The following ANGPT2 variants were observed in gnomAD, a reference collection of about 807,000 sequenced individuals.
The protein encoded by ANGPT2 is angiopoietin-2.
A neutral mutation model predicts 62.9 loss-of-function variants in ANGPT2; 28 were observed. That is an observed-to-expected ratio of 0.44 (90% CI 0.33 to 0.61). The LOEUF is 0.61. ANGPT2 is among the 20% of genes least tolerant of loss of function. The pLI is 0.03. For missense variants in ANGPT2, 727 were observed against 594.9 expected, an observed-to-expected ratio of 1.22 and a Z score of -2.31; for synonymous variants, 284 against 207.8, an observed-to-expected ratio of 1.37 and a Z score of -3.15.
At chr8:6,560,487 T>C (rs1257188836) in intron 1 of ANGPT2, among the ~76,000 whole-genome samples, 6 of 152,186 alleles carry the variant, frequency 3.9e-5, no homozygotes, top group Admixed American at 3.9e-4. Flanking sequence ...CTTTGCTTTT[T>C]TGTTTTCATT....
Position 6,500,013 on chromosome 8 carries a change from T to C in ANGPT2, c.*3088A>G. 1 of 1,172,322 alleles carries C rather than the reference T, an allele frequency of 8.5e-7. No individual in the cohort carries two copies. Among genetic ancestry groups the C allele is most frequent in the Non-Finnish European group, 1.3e-6 (1 of 780,450 alleles). 72.6% of individuals were successfully genotyped at this position (1,172,322 alleles called of 1,614,324 possible). On this transcript the variant is annotated 3_prime_UTR_variant, in exon 9 of 9. Coordinates refer to ENST00000629816, the MANE Select transcript of ANGPT2 (RefSeq NM_001118887.2). ...ATAAACATAAGGGTGGACTTAAGTT[T>C]TTATCCAGTCAAGCACAATTATGCC...
intron 7 of ANGPT2, among the ~76,000 whole-genome samples, chr8:6,509,281 A>G (rs1486174932): frequency 3.9e-5 from 6 of 152,210 alleles, no homozygotes; most frequent in African/African-American, 1.4e-4. Flanking sequence ...GAAACCTTCA[A>G]CACATATCAC....
rs75532842 is a variant in ANGPT2 at position 6,530,290 on chromosome 8, C to T, written c.444+2042G>A. 4.8e-3 allele frequency among the ~76,000 whole-genome samples: 731 copies of T among 152,118 alleles called. 21 individuals carry two copies. The East Asian group carries it at 0.085, about 18-fold the overall frequency. ...TGGGAGGCCAAGGCAGGTGGATCAC[C>T]TGAGGTCAGGAGTTCGAGACCAGCC... On this transcript the variant is annotated intron_variant, in intron 2 of 8. Coordinates refer to ENST00000629816, the MANE Select transcript of ANGPT2 (RefSeq NM_001118887.2).
chr8:6,512,270 G>A (rs1302473922), intron 7 of ANGPT2, among the ~76,000 whole-genome samples: 1 of 152,162 alleles, frequency 6.6e-6, no homozygotes, highest in African/African-American at 2.4e-5. Context: ...CAGGCAACTT[G>A]ACATTTAGCC....
chr8:6,555,465 C>CTTTTT (rs530250678), intron 1 of ANGPT2, among the ~76,000 whole-genome samples: 1,718 of 142,602 alleles, frequency 0.012, 42 homozygotes, highest in African/African-American at 0.043. Context: ...GTGGTTTGCC[C>CTTTTT]TTTTTTTTTT....
At chr8:6,511,407 G>T (rs1440048959) in intron 7 of ANGPT2, among the ~76,000 whole-genome samples, 2 of 152,096 alleles carry the variant, frequency 1.3e-5, no homozygotes, top group African/African-American at 4.8e-5. Flanking sequence ...GCCAGAATGT[G>T]TGTGAAAAGT....
intron 7 of ANGPT2, among the ~76,000 whole-genome samples, chr8:6,512,082 C>T (rs957926053): frequency 3.3e-5 from 5 of 152,126 alleles, no homozygotes; most frequent in Admixed American, 2.0e-4. Flanking sequence ...TCATTCATCT[C>T]GGTTGTTGCC....
intron 1 of ANGPT2, among the ~76,000 whole-genome samples, chr8:6,547,196 A>T (rs181360991): frequency 6.6e-6 from 1 of 152,154 alleles, no homozygotes; most frequent in African/African-American, 2.4e-5. Flanking sequence ...AACTAGTTTT[A>T]TACCATTAGA....
chr8:6,501,096 G>C lies in ANGPT2; in HGVS notation c.*2005C>G, dbSNP rs1395512901. 6.6e-6 allele frequency: 1 copy of C among 152,172 alleles called. No individual in the cohort carries two copies. The highest frequency in any genetic ancestry group is 1.5e-5 in the Non-Finnish European group (1 of 68,030). The allele number at this position is 152,172 out of a possible 1,614,324, so 9.4% of individuals were successfully genotyped here. ...ATAAAACCTTCTTAAATATAAAGTA[G>C]ATACAGTTCTAAGATAGGGAGGTTC... On this transcript the variant is annotated 3_prime_UTR_variant, in exon 9 of 9. Coordinates refer to ENST00000629816, the MANE Select transcript of ANGPT2 (RefSeq NM_001118887.2).
chr8:6,525,515 C>G (rs1035430997), intron 3 of ANGPT2, among the ~76,000 whole-genome samples: 12 of 152,326 alleles, frequency 7.9e-5, no homozygotes, highest in African/African-American at 2.6e-4. Flanking sequence ...TAGGCATGAG[C>G]CACTGTGCCT....
chr8:6,562,552 C>CTTTTTTTTTTTCTTTTTTTTTTTTT (rs1825706400), intron 1 of ANGPT2, 95 bp downstream of exon 1: 1 of 71,748 alleles, frequency 1.4e-5, no homozygotes, highest in Non-Finnish European at 2.6e-5. Context: ...CATCCTCCTT[C>CTTTTTTTTTTTCTTTTTTTTTTTTT]TTTTTTTTTT....
intron 1 of ANGPT2, among the ~76,000 whole-genome samples, chr8:6,553,319 GCAA>G (rs1823996320): frequency 6.6e-6 from 1 of 152,086 alleles, no homozygotes; most frequent in South Asian, 2.1e-4. Context: ...AACAAGTAAA[GCAA>G]CAACAACAAA....
intron 5 of ANGPT2, among the ~76,000 whole-genome samples, chr8:6,517,330 C>T (rs923301555): frequency 2.0e-5 from 3 of 152,146 alleles, no homozygotes; most frequent in Non-Finnish European, 4.4e-5. Context: ...AACTCTGAGG[C>T]AATGATTAAG....
chr8:6,518,359 G>A (rs541737014), intron 5 of ANGPT2, among the ~76,000 whole-genome samples: 2 of 152,328 alleles, frequency 1.3e-5, no homozygotes, highest in East Asian at 3.9e-4. Flanking sequence ...GAGTCTGTTC[G>A]TTGCCTTTTC....
At chr8:6,515,893 AG>A (rs893711565) in intron 5 of ANGPT2, among the ~76,000 whole-genome samples, 2 of 152,180 alleles carry the variant, frequency 1.3e-5, no homozygotes, top group African/African-American at 4.8e-5. Context: ...GAACCAAGAG[AG>A]TGCTATTCCT....
intron 1 of ANGPT2, among the ~76,000 whole-genome samples, chr8:6,550,041 T>A (rs898119851): frequency 3.9e-5 from 6 of 152,214 alleles, no homozygotes; most frequent in African/African-American, 1.4e-4. Flanking sequence ...GAATGGAAGA[T>A]GTGCCTGCTG....
At chr8:6,521,669 C>G (rs760858258) in intron 3 of ANGPT2, among the ~76,000 whole-genome samples, 2 of 152,166 alleles carry the variant, frequency 1.3e-5, no homozygotes, top group Non-Finnish European at 2.9e-5. Flanking sequence ...GGTACCCCAT[C>G]TGGTCCAGGA....
Position 6,525,189 on chromosome 8 carries a change from A to G in ANGPT2, c.566+2366T>C, listed in dbSNP as rs151117886. 4.8e-3 allele frequency among the ~76,000 whole-genome samples: 730 copies of G among 152,324 alleles called. 5 individuals carry two copies. The highest frequency in any genetic ancestry group is 0.017 in the African/African-American group (699 of 41,570). ...ATCTCGCCCATAAGCAATAACAATC[A>G]GTATTAATAATAATTATTAGATATT... is the stretch of plus-strand genomic sequence containing the variant. On this transcript the variant is annotated intron_variant, in intron 3 of 8. Transcript: ENST00000629816.
Position 6,560,018 on chromosome 8 carries a change from C to G in ANGPT2, c.288+2629G>C, listed in dbSNP as rs192108427. Among the ~76,000 whole-genome samples, 14 of 152,338 alleles carry G rather than the reference C, an allele frequency of 9.2e-5. No homozygotes were observed. In the East Asian group the frequency reaches 2.7e-3, roughly 29 times the overall value. ...CTTTTGATGATGTGAAACCTGCTTT[C>G]TTAGTCTAAGCTCCCTAGGCTATGC... is the stretch of plus-strand genomic sequence containing the variant. On this transcript the variant is annotated intron_variant, in intron 1 of 8. Transcript: ENST00000629816.
Sources: allele counts gnomAD v4.1 joint callset (sites outside exome capture counted in the v4.1 genomes callset), GRCh38; gene constraint gnomAD v4.1.1; transcripts MANE v1.5; gene names NCBI Gene and HGNC (gene_info 2026-07-23, HGNC 2026-07-21).